The following OXTR variants were observed in gnomAD, a reference collection of about 807,000 sequenced individuals.
The protein encoded by OXTR is oxytocin receptor.
Under a neutral mutation model 23.9 loss-of-function variants are expected in OXTR, and 19 were observed. The ratio of observed to expected loss-of-function variants is 0.80; its 90% confidence interval spans 0.56 to 1.17. OXTR has a LOEUF of 1.17. Among genes scored for constraint, OXTR ranks in the 50% most tolerant of loss-of-function variants. The pLI, the probability that OXTR is intolerant of heterozygous loss-of-function variation, is 0.00. For synonymous variants in OXTR, 278 were observed against 250.5 expected, an observed-to-expected ratio of 1.11 and a Z score of -1.04; for missense variants, 500 against 550.7, an observed-to-expected ratio of 0.91 and a Z score of 0.92.
intron 3 of OXTR, among the ~76,000 whole-genome samples, chr3:8,756,214 T>C (rs949998938): frequency 6.6e-6 from 1 of 152,200 alleles, no homozygotes; most frequent in African/African-American, 2.4e-5. Flanking sequence ...ATGGAAAATA[T>C]TGTCCTTACA....
intron 3 of OXTR, among the ~76,000 whole-genome samples, chr3:8,766,180 A>C (rs1256762776): frequency 6.6e-6 from 1 of 152,158 alleles, no homozygotes; most frequent in Non-Finnish European, 1.5e-5. Context: ...AAAAACTTAT[A>C]AATCATTCAC....
chr3:8,767,020 C>T lies in OXTR; in HGVS notation c.922+246G>A, dbSNP rs11918672. 3.3e-3 allele frequency among the ~76,000 whole-genome samples: 505 copies of T among 152,302 alleles called. 1 individual carries two copies. The highest frequency in any genetic ancestry group is 0.011 in the African/African-American group (471 of 41,558). On this transcript the variant is annotated intron_variant, in intron 3 of 3. Transcript: ENST00000316793. Reference sequence around the variant, plus strand: ...TAACTGCATTTTCTCGTGGCATTCCCCTATGCCTGGTGACAGTTGGTACTT... The same window carrying T: ...TAACTGCATTTTCTCGTGGCATTCCTCTATGCCTGGTGACAGTTGGTACTT...
chr3:8,765,350 A>C (rs1273443842), intron 3 of OXTR, among the ~76,000 whole-genome samples: 1 of 152,224 alleles, frequency 6.6e-6, no homozygotes, highest in Non-Finnish European at 1.5e-5. Context: ...AAATCACCAG[A>C]GACTCAAGAC....
rs200480356 is a variant in OXTR, at chr3:8,750,904, G to A, written c.*2073C>T. On this transcript the variant is annotated 3_prime_UTR_variant, in exon 4 of 4. Transcript: ENST00000316793. ...TTCTCTTGGGTAAATACCTAGGAGTGGCATTCCTGGGTCATATGGTCACTC... is the reference window on the plus strand; with the variant it reads ...TTCTCTTGGGTAAATACCTAGGAGTAGCATTCCTGGGTCATATGGTCACTC... The A allele has an allele frequency of 1.9e-3, 289 of 152,272 alleles. 2 individuals carry two copies. Among genetic ancestry groups the A allele is most frequent in the African/African-American group, 6.6e-3 (276 of 41,550 alleles). 9.4% of individuals were successfully genotyped at this position (152,272 alleles called of 1,614,324 possible).
At chr3:8,743,416 G>C in the OXTR span, among the ~76,000 whole-genome samples, 1 of 152,008 alleles carries the variant, frequency 6.6e-6, no homozygotes, top group Admixed American at 6.6e-5. Flanking sequence ...ACCACCTCCT[G>C]GAAGCCCTCC....
intron 3 of OXTR, among the ~76,000 whole-genome samples, chr3:8,762,383 G>A (rs1708507714): frequency 6.6e-6 from 1 of 152,116 alleles, no homozygotes; most frequent in Non-Finnish European, 1.5e-5. Flanking sequence ...AATCACCACA[G>A]GGCAGAAACC....
Position 8,768,051 on chromosome 3 carries a change from A to G in OXTR, c.137T>C (p.Leu46Pro), listed in dbSNP as rs778287635. The G allele has an allele frequency of 3.9e-5, 61 of 1,575,054 alleles. No individual in the cohort carries two copies. Among genetic ancestry groups the G allele is most frequent in the Non-Finnish European group, 4.7e-5 (55 of 1,163,102 alleles). Reference sequence around the variant, plus strand: ...CAGCGCCAGGAGCAGGATGAGACACAGCACCGCCACCTCCACGCGCGCCAG... The same window carrying G: ...CAGCGCCAGGAGCAGGATGAGACACGGCACCGCCACCTCCACGCGCGCCAG... ...EALARVEVAVLCLILLLALSG... is the reference protein window; with the variant it reads ...EALARVEVAVPCLILLLALSG... Residue 46 changes from leucine to proline, a missense_variant, in exon 3 of 4, where the codon CTG becomes CCG. Physicochemically the swap from Leu to Pro is moderately conservative, Grantham distance 98 (BLOSUM62 -3). Coordinates refer to ENST00000316793, the MANE Select transcript of OXTR (RefSeq NM_000916.4). The surrounding 1 kb of genome is among the most constrained non-coding windows in gnomAD (Gnocchi z 5.4).
downstream of OXTR, chr3:8,745,401 G>A: frequency 4.1e-6 from 3 of 723,194 alleles, no homozygotes; most frequent in South Asian, 4.5e-5. The surrounding 1 kb of genome is among the most constrained non-coding windows in gnomAD (Gnocchi z 4.8). Context: ...GCCTAATACA[G>A]GTAGGGTCCA....
At chr3:8,745,446 G>A, downstream of OXTR, 1 of 1,099,996 alleles carries the variant, frequency 9.1e-7, no homozygotes, top group East Asian at 2.4e-5. The surrounding 1 kb of genome is among the most constrained non-coding windows in gnomAD (Gnocchi z 4.8). Flanking sequence ...AGGGGATTCT[G>A]ACACATGCAC....
the OXTR span, among the ~76,000 whole-genome samples, chr3:8,743,820 A>G: frequency 1.3e-5 from 2 of 152,382 alleles, no homozygotes; most frequent in Middle Eastern, 3.4e-3. Flanking sequence ...TGTACTGGAA[A>G]GAAATGCACC....
At chr3:8,764,400 T>C (rs1708560720) in intron 3 of OXTR, among the ~76,000 whole-genome samples, 1 of 152,224 alleles carries the variant, frequency 6.6e-6, no homozygotes, top group Non-Finnish European at 1.5e-5. Flanking sequence ...TAAGGGGCCC[T>C]GGTCTAGATA....
chr3:8,752,643 C>A lies in OXTR; in HGVS notation c.*334G>T. The A allele has an allele frequency of 7.6e-6, 2 of 262,968 alleles. No homozygotes were observed. The highest frequency in any genetic ancestry group is 6.6e-5 in the South Asian group (1 of 15,200). 16.3% of individuals were successfully genotyped at this position (262,968 alleles called of 1,614,324 possible). A position where few individuals can be genotyped will look rare whatever the true frequency, so the allele number is the denominator to read the frequency against. On this transcript the variant is annotated 3_prime_UTR_variant, in exon 4 of 4. Transcript: ENST00000316793. ...AATTGGTCACCAATCCTATATTTAC[C>A]GCTTTTCACAATATCCCAGAATGAA...
rs1708719975 is a variant in OXTR at position 8,769,589 on chromosome 3, C to A, written c.-597G>T. The A allele has an allele frequency of 6.6e-6, 1 of 152,272 alleles. No homozygotes were observed. Among genetic ancestry groups the A allele is most frequent in the Non-Finnish European group, 1.5e-5 (1 of 68,070 alleles). 9.4% of individuals were successfully genotyped at this position (152,272 alleles called of 1,614,324 possible). A position where few individuals can be genotyped will look rare whatever the true frequency, so the allele number is the denominator to read the frequency against. ...CCCCTCCGGAGCGGAGCTGGTTCGC[C>A]CAGCGTTGGTCCCAGAGCCTTAACA... On this transcript the variant is annotated 5_prime_UTR_variant, in exon 1 of 4. Coordinates refer to ENST00000316793, the MANE Select transcript of OXTR (RefSeq NM_000916.4).
intron 3 of OXTR, among the ~76,000 whole-genome samples, chr3:8,763,029 G>C (rs1708523337): frequency 6.6e-6 from 1 of 152,170 alleles, no homozygotes; most frequent in Non-Finnish European, 1.5e-5. Context: ...GGGGTAAAAG[G>C]CATCCCCTGG....
At chr3:8,769,154 C>T in intron 1 of OXTR, 77 bp downstream of exon 1, 1 of 152,548 alleles carries the variant, frequency 6.6e-6, no homozygotes, top group Non-Finnish European at 1.5e-5. Flanking sequence ...TGCGAGGCAC[C>T]CCACCACCTC....
At chr3:8,742,775 G>T in the OXTR span, among the ~76,000 whole-genome samples, 2 of 152,228 alleles carry the variant, frequency 1.3e-5, no homozygotes, top group Non-Finnish European at 2.9e-5. Flanking sequence ...TGGATAGATG[G>T]ATGATAGATG....
downstream of OXTR, among the ~76,000 whole-genome samples, chr3:8,749,198 G>A (rs1370966357): frequency 6.6e-6 from 1 of 152,108 alleles, no homozygotes; most frequent in African/African-American, 2.4e-5. Flanking sequence ...GATGGGTGGG[G>A]GTCGGGGTGT....
At chr3:8,748,771 T>C (rs1228273336), downstream of OXTR, among the ~76,000 whole-genome samples, 1 of 152,182 alleles carries the variant, frequency 6.6e-6, no homozygotes. Flanking sequence ...ATACAAAAAG[T>C]GTTAAACACT....
chr3:8,767,398 T>G lies in OXTR; in HGVS notation c.790A>C (p.Lys264Gln). The change falls in exon 3 of 4, where the codon AAG (lysine) becomes CAG (glutamine). Residue 264 changes from lysine (K) to glutamine (Q), a missense_variant. Coordinates refer to ENST00000316793, the MANE Select transcript of OXTR (RefSeq NM_000916.4). ...CGGATCTTGGCCTTGGAGATGAGCT[T>G]GACGCTGCTGACACGCGCCAGGGCC... The part of the protein sequence containing the change: ...RVALARVSSV[K>Q]LISKAKIRTV... 1 of 1,612,106 alleles carries G rather than the reference T, an allele frequency of 6.2e-7. No homozygotes were observed. Among genetic ancestry groups the G allele is most frequent in the Non-Finnish European group, 8.5e-7 (1 of 1,179,330 alleles).
Sources: gnomAD v4.1 joint callset for allele counts (sites outside exome capture counted in the v4.1 genomes callset) on GRCh38, gnomAD v4.1.1 for gene constraint, Gnocchi (gnomAD v3.1) non-coding constraint, MANE v1.5 for transcripts, NCBI Gene and HGNC (gene_info 2026-07-23, HGNC 2026-07-21) for gene names.